Variants in TVP23B observed in about 807,000 individuals in gnomAD.
TVP23B encodes the protein Golgi apparatus membrane protein TVP23 homolog B.
A neutral mutation model predicts 30.6 loss-of-function variants in TVP23B; 10 were observed. The ratio of observed to expected loss-of-function variants is 0.33; its 90% CI spans 0.20 to 0.55. The LOEUF (loss-of-function observed/expected upper bound fraction) is 0.55, where lower values mean the gene tolerates loss of function less well. Among genes scored for constraint, TVP23B ranks in the 20% least tolerant of loss-of-function variants. The probability of loss-of-function intolerance (pLI) is 0.91; values close to 1 mark genes in which losing one functional copy is unlikely to be tolerated. For missense variants in TVP23B, 153 were observed against 243.2 expected, an observed-to-expected ratio of 0.63 and a Z score of 2.47; for synonymous variants, 67 against 83.1, an observed-to-expected ratio of 0.81 and a Z score of 1.06.
At chr17:18,799,660 G>C (rs2036127341) in intron 5 of TVP23B, among the ~76,000 whole-genome samples, 1 of 152,058 alleles carries the variant, frequency 6.6e-6, no homozygotes, top group South Asian at 2.1e-4. Context: ...GCTGTCTTTG[G>C]AAAATATAGT....
rs1389004151 is a variant in TVP23B, at chr17:18,797,658, A to G, written c.320A>G (p.Glu107Gly). 6.3e-7 allele frequency: 1 copy of G among 1,594,368 alleles called. No homozygotes were observed. The highest frequency in any genetic ancestry group is 1.1e-5 in the South Asian group (1 of 87,734). ...DEDGKSHWVF[E>G]SRKESSQENK... ...GATGGAAAGAGCCATTGGGTGTTTG[A>G]ATCTAGAAAGGTAAAGTGCCTTTTT... The change falls in exon 4 of 7, where the codon GAA becomes GGA. Residue 107 changes from glutamate to glycine, a missense_variant. Physicochemically the swap from Glu to Gly is moderately conservative, Grantham distance 98 (BLOSUM62 -2). This residue lies in a region of TVP23B where 53 missense variants were observed against 128.0 expected (regional missense o/e 0.41). Coordinates refer to ENST00000307767, the MANE Select transcript of TVP23B (RefSeq NM_016078.6).
chr17:18,803,399 A>T (rs1431910475), intron 5 of TVP23B, among the ~76,000 whole-genome samples: 1 of 152,212 alleles, frequency 6.6e-6, no homozygotes, highest in African/African-American at 2.4e-5. Flanking sequence ...AACTTTGCTG[A>T]TCCCTGTATT....
At chr17:18,801,458 T>C (rs1372143546) in intron 5 of TVP23B, among the ~76,000 whole-genome samples, 1 of 152,200 alleles carries the variant, frequency 6.6e-6, no homozygotes, top group African/African-American at 2.4e-5. Flanking sequence ...TCTCCTGATG[T>C]CTGAGGCACG....
At chr17:18,802,838 A>G (rs1354596812) in intron 5 of TVP23B, among the ~76,000 whole-genome samples, 1 of 152,186 alleles carries the variant, frequency 6.6e-6, no homozygotes, top group Non-Finnish European at 1.5e-5. Flanking sequence ...GCATGTTGAT[A>G]TATACATACC....
chr17:18,790,911 G>C lies in TVP23B; in HGVS notation c.111G>C (p.Ser37=). The C allele has an allele frequency of 6.2e-7, 1 of 1,609,708 alleles. No individual in the cohort carries two copies. The highest frequency in any genetic ancestry group is 8.5e-7 in the Non-Finnish European group (1 of 1,178,802). Residue 37 remains serine, a synonymous_variant, in exon 3 of 7, where the codon TCG becomes TCC. Coordinates refer to ENST00000307767, the MANE Select transcript of TVP23B (RefSeq NM_016078.6). ...TGGTTTTCAGACATCCAGTAGCATC[G>C]TTTTTCCACTTATTCTTTCGAGTCA... The part of the protein sequence containing the change: ...RKAKIRHPVA[S]FFHLFFRVSA...
At chr17:18,802,912 T>G (rs1260668237) in intron 5 of TVP23B, among the ~76,000 whole-genome samples, 2 of 152,020 alleles carry the variant, frequency 1.3e-5, no homozygotes, top group Non-Finnish European at 2.9e-5. Flanking sequence ...AAATACACAG[T>G]TTTATATTTA....
chr17:18,796,182 T>G (rs916604873), intron 3 of TVP23B: 3 of 152,100 alleles, frequency 2.0e-5, no homozygotes, highest in African/African-American at 7.2e-5. Context: ...TTACCTATAT[T>G]CATAGTTTGT....
Position 18,781,229 on chromosome 17 carries a change from C to T in TVP23B, c.-65C>T, listed in dbSNP as rs563704672. The T allele has an allele frequency of 2.8e-5, 44 of 1,550,232 alleles. No homozygotes were observed. In the South Asian group the frequency reaches 4.6e-4, roughly 16 times the overall value. ...CCTTGGTGACGGGTCGCCTCAGTTC[C>T]GACCCGGACCCGTACGCTGCTGCGC... is the stretch of plus-strand genomic sequence containing the variant. On this transcript the variant is annotated 5_prime_UTR_variant, in exon 1 of 7. Coordinates refer to ENST00000307767, the MANE Select transcript of TVP23B (RefSeq NM_016078.6).
At chr17:18,794,529 G>A (rs926897832) in intron 3 of TVP23B, among the ~76,000 whole-genome samples, 2 of 152,066 alleles carry the variant, frequency 1.3e-5, no homozygotes, top group Admixed American at 1.3e-4. Context: ...TGAATTCAGA[G>A]GGAAAATAAT....
At chr17:18,800,651 T>C (rs2036148378) in intron 5 of TVP23B, among the ~76,000 whole-genome samples, 1 of 152,078 alleles carries the variant, frequency 6.6e-6, no homozygotes, top group Non-Finnish European at 1.5e-5. Flanking sequence ...TTTTAGTTCA[T>C]GTAACCCAGA....
chr17:18,791,030 G>A lies in TVP23B; in HGVS notation c.230G>A (p.Trp77Ter), dbSNP rs200487006. 3.1e-5 allele frequency: 49 copies of A among 1,587,496 alleles called. No homozygotes were observed. The highest frequency in any genetic ancestry group is 8.5e-7 in the Non-Finnish European group (1 of 1,172,690). Reference sequence around the variant, plus strand: ...ATCTTGTTGTTGTCGTGTGACTTTTGGGCAGTGAAGGTAATTTTGATTGTT... The same window carrying A: ...ATCTTGTTGTTGTCGTGTGACTTTTAGGCAGTGAAGGTAATTTTGATTGTT... ...TIILLLSCDF[W>*]AVKNVTGRLM... Residue 77 changes from tryptophan (W) to a stop codon, truncating the protein, a stop_gained, in exon 3 of 7, where the codon TGG (tryptophan) becomes TAG (stop). Transcript: ENST00000307767. LOFTEE classifies it high-confidence loss of function.
At chr17:18,789,598 A>T (rs1453662337) in intron 2 of TVP23B, 163 bp downstream of exon 2, 1 of 912,004 alleles carries the variant, frequency 1.1e-6, no homozygotes, top group African/African-American at 1.7e-5. Context: ...GACATTTCAG[A>T]TTTTCTTGTG....
chr17:18,788,520 G>A (rs532807466), intron 1 of TVP23B, among the ~76,000 whole-genome samples: 2 of 152,170 alleles, frequency 1.3e-5, no homozygotes, highest in Non-Finnish European at 2.9e-5. Context: ...GGTGGCTCAT[G>A]CCTGTAATCC....
chr17:18,781,960 C>T (rs904029655), intron 1 of TVP23B: 1 of 147,034 alleles, frequency 6.8e-6, no homozygotes, highest in African/African-American at 2.5e-5. Flanking sequence ...GGTTTCTTGC[C>T]CCGTATTTTT....
intron 3 of TVP23B, among the ~76,000 whole-genome samples, 200 bp downstream of exon 3, chr17:18,791,240 G>A (rs1243161412): frequency 1.9e-5 from 2 of 107,086 alleles, no homozygotes; most frequent in Non-Finnish European, 3.4e-5. Context: ...AATACAAGAT[G>A]AGACATGCAG....
intron 1 of TVP23B, among the ~76,000 whole-genome samples, chr17:18,783,094 TTGATTGATTG>T (rs2035834403): frequency 8.7e-6 from 1 of 115,236 alleles, no homozygotes. Context: ...TATTTATTGA[TTGATTGATTG>T]ATTCATTCAT....
At chr17:18,790,446 G>A (rs1418951224) in intron 2 of TVP23B, among the ~76,000 whole-genome samples, 22 of 136,036 alleles carry the variant, frequency 1.6e-4, no homozygotes, top group Admixed American at 3.2e-4. Flanking sequence ...CCTGGGCGAC[G>A]GAGCGAGACT....
rs537513903 is a variant in TVP23B at position 18,781,379 on chromosome 17, C to G, written c.12+74C>G. 219 of 1,536,972 alleles carry G rather than the reference C, an allele frequency of 1.4e-4. 1 individual carries two copies. The African/African-American group carries it at 2.7e-3, about 19-fold the overall frequency. ...TCTGCAGGTTCCGTGGGACTGGAGC[C>G]CGCGTCCCCCGCGCCCGCTACTCGA... On this transcript the variant is annotated intron_variant, in intron 1 of 6. Coordinates refer to ENST00000307767, the MANE Select transcript of TVP23B (RefSeq NM_016078.6).
chr17:18,795,385 T>C (rs1232597905), intron 3 of TVP23B, among the ~76,000 whole-genome samples: 1 of 152,174 alleles, frequency 6.6e-6, no homozygotes, highest in African/African-American at 2.4e-5. Flanking sequence ...ACTATTTTTT[T>C]ACTTGAGCAA....
Sources: gnomAD v4.1 joint callset for allele counts (sites outside exome capture counted in the v4.1 genomes callset) on GRCh38, gnomAD v4.1.1 for gene constraint, gnomAD v4.1.1 regional missense constraint, MANE v1.5 for transcripts, NCBI Gene and HGNC (gene_info 2026-07-23, HGNC 2026-07-21) for gene names.